The following CNGA1 variants were observed in gnomAD, a reference collection of about 807,000 sequenced individuals.
CNGA1 encodes the protein cyclic nucleotide-gated channel alpha-1.
Under a neutral mutation model 69.7 loss-of-function variants are expected in CNGA1, and 53 were observed. The observed-to-expected ratio is 0.76, with a 90% CI of 0.61 to 0.96. The LOEUF (loss-of-function observed/expected upper bound fraction) is 0.96. Ranked by LOEUF, CNGA1 falls within the 40% of genes least tolerant of loss-of-function variation. CNGA1 has a pLI of 0.00. For missense variants in CNGA1, 739 were observed against 811.2 expected, an observed-to-expected ratio of 0.91 and a Z score of 1.08; for synonymous variants, 249 against 283.5, an observed-to-expected ratio of 0.88 and a Z score of 1.22.
chr4:47,995,318 A>G (rs1361688814), intron 2 of CNGA1, among the ~76,000 whole-genome samples: 1 of 152,104 alleles, frequency 6.6e-6, no homozygotes, highest in Non-Finnish European at 1.5e-5. Flanking sequence ...ACATAATGCC[A>G]GACTTGTTGG....
chr4:47,973,322 C>T (rs1376858707), intron 3 of CNGA1, among the ~76,000 whole-genome samples: 13 of 152,016 alleles, frequency 8.6e-5, no homozygotes, highest in South Asian at 6.2e-4. Context: ...GTGATCCGCC[C>T]GCCTCAGCCT....
intron 2 of CNGA1, among the ~76,000 whole-genome samples, chr4:47,985,415 T>A: frequency 6.6e-6 from 1 of 152,134 alleles, no homozygotes; most frequent in African/African-American, 2.4e-5. Context: ...TAAAAAGAAA[T>A]CAAAATGACA....
At chr4:47,991,149 C>T (rs961693005) in intron 2 of CNGA1, among the ~76,000 whole-genome samples, 2 of 152,112 alleles carry the variant, frequency 1.3e-5, no homozygotes, top group African/African-American at 4.8e-5. Flanking sequence ...TGTATAACAA[C>T]TTCTTTTCCC....
chr4:47,981,931 A>C (rs1399727791), intron 2 of CNGA1, among the ~76,000 whole-genome samples: 1 of 152,224 alleles, frequency 6.6e-6, no homozygotes, highest in Non-Finnish European at 1.5e-5. Flanking sequence ...TTAAAATATT[A>C]GTAGGATGCA....
chr4:47,938,500 C>T (rs1738831340), intron 10 of CNGA1, among the ~76,000 whole-genome samples: 1 of 151,528 alleles, frequency 6.6e-6, no homozygotes, highest in Non-Finnish European at 1.5e-5. Context: ...TCAAGCAATT[C>T]TTCTGCCTCA....
intron 2 of CNGA1, among the ~76,000 whole-genome samples, chr4:48,003,296 T>C (rs533918832): frequency 1.3e-5 from 2 of 152,288 alleles, no homozygotes; most frequent in Non-Finnish European, 2.9e-5. Flanking sequence ...GATTAACCTC[T>C]CCAAAGGAGG....
intron 2 of CNGA1, among the ~76,000 whole-genome samples, chr4:47,992,484 A>G (rs549407453): frequency 6.6e-6 from 1 of 151,974 alleles, no homozygotes; most frequent in African/African-American, 2.4e-5. Context: ...CTGTTGGTGC[A>G]TAGCAGAGCT....
chr4:47,981,933 T>TTATTTAAAATGA (rs1383588051), intron 2 of CNGA1, among the ~76,000 whole-genome samples: 1 of 152,226 alleles, frequency 6.6e-6, no homozygotes, highest in East Asian at 1.9e-4. Flanking sequence ...AAAATATTAG[T>TTATTTAAAATGA]AGGATGCACT....
chr4:48,005,749 T>C (rs1226650219), intron 2 of CNGA1, among the ~76,000 whole-genome samples: 3 of 152,210 alleles, frequency 2.0e-5, no homozygotes, highest in Non-Finnish European at 4.4e-5. Context: ...CTTGTATTGA[T>C]TCCATAAGCC....
chr4:47,977,890 G>T (rs369771022), intron 3 of CNGA1, among the ~76,000 whole-genome samples: 2 of 151,094 alleles, frequency 1.3e-5, no homozygotes, highest in East Asian at 3.9e-4. Flanking sequence ...GCAATGGCAC[G>T]ATCTCGGCTC....
chr4:47,970,580 A>G (rs969653216), intron 3 of CNGA1, among the ~76,000 whole-genome samples: 1 of 151,720 alleles, frequency 6.6e-6, no homozygotes, highest in African/African-American at 2.4e-5. Context: ...TGAACCAGGG[A>G]AGTGGAGGTT....
intron 6 of CNGA1, 51 bp downstream of exon 6, chr4:47,949,782 C>G: frequency 2.2e-6 from 3 of 1,376,780 alleles, no homozygotes; most frequent in Non-Finnish European, 3.1e-6. Context: ...TACATTTTTA[C>G]TGGTTTTCTT....
intron 2 of CNGA1, among the ~76,000 whole-genome samples, chr4:48,009,480 A>T (rs1440829357): frequency 6.6e-6 from 1 of 150,672 alleles, no homozygotes; most frequent in Admixed American, 6.6e-5. Flanking sequence ...AAAAAAAAAA[A>T]AGGACTTTAC....
At chr4:47,950,876 C>T (rs1739696580) in intron 5 of CNGA1, among the ~76,000 whole-genome samples, 1 of 152,196 alleles carries the variant, frequency 6.6e-6, no homozygotes, top group South Asian at 2.1e-4. Context: ...AGGGATGGAG[C>T]ATTTTAGAGA....
chr4:47,936,926 T>C lies in CNGA1; in HGVS notation c.1556A>G (p.Lys519Arg). 1 of 1,614,070 alleles carries C rather than the reference T, an allele frequency of 6.2e-7. No individual in the cohort carries two copies. The highest frequency in any genetic ancestry group is 8.5e-7 in the Non-Finnish European group (1 of 1,179,982). Residue 519 changes from lysine (K) to arginine (R), a missense_variant, in exon 11 of 11, where the codon AAA becomes AGA. Lys to Arg is a conservative substitution (Grantham distance 26). Coordinates refer to ENST00000514170, the MANE Select transcript of CNGA1 (RefSeq NM_001379270.1). ...TCCATCATCTGCCACCACAGCGAGT[T>C]TGCCTTCCTTGATAATGTACATCTC... ...GREMYIIKEG[K>R]LAVVADDGVT...
intron 2 of CNGA1, among the ~76,000 whole-genome samples, chr4:48,006,241 G>A (rs567400145): frequency 3.3e-5 from 5 of 152,042 alleles, no homozygotes; most frequent in Non-Finnish European, 4.4e-5. Flanking sequence ...ACCTGTTAGA[G>A]TTTTATAAAA....
At chr4:47,997,482 C>T (rs1714432583) in intron 2 of CNGA1, among the ~76,000 whole-genome samples, 1 of 152,080 alleles carries the variant, frequency 6.6e-6, no homozygotes, top group African/African-American at 2.4e-5. Context: ...ATGTCAAAGA[C>T]AACTGGATTT....
At position 47,949,845 on chromosome 4, in the gene CNGA1, C is replaced by G; in HGVS notation, c.275G>C (p.Ser92Thr). 6.2e-7 allele frequency: 1 copy of G among 1,613,910 alleles called. No individual in the cohort carries two copies. The highest frequency in any genetic ancestry group is 8.5e-7 in the Non-Finnish European group (1 of 1,179,864). Reference sequence around the variant, plus strand: ...TAAATATACTTACTGGTCCTTATTGCTGCTGTTGTTCACATTAAAAAGTGC... The same window carrying G: ...TAAATATACTTACTGGTCCTTATTGGTGCTGTTGTTCACATTAAAAAGTGC... Reference protein sequence around the residue: ...AIALFNVNNSSNKDQEPEEKK... With the variant: ...AIALFNVNNSTNKDQEPEEKK... Residue 92 changes from serine (S) to threonine (T), a missense_variant, in exon 6 of 11, where the codon AGC (serine) becomes ACC (threonine). Coordinates refer to ENST00000514170, the MANE Select transcript of CNGA1 (RefSeq NM_001379270.1).
chr4:48,014,591 T>G (rs1337796876), intron 1 of CNGA1, among the ~76,000 whole-genome samples: 9 of 152,218 alleles, frequency 5.9e-5, no homozygotes, highest in Non-Finnish European at 1.3e-4. Context: ...GCATCTTGGT[T>G]CCACACTTAC....
Sources: allele counts gnomAD v4.1 joint callset (sites outside exome capture counted in the v4.1 genomes callset), GRCh38; gene constraint gnomAD v4.1.1; transcripts MANE v1.5; gene names NCBI Gene and HGNC (gene_info 2026-07-23, HGNC 2026-07-21).